Variants in SMIM20 observed in about 807,000 individuals in gnomAD.
The protein encoded by SMIM20 is mitochondrial translation regulation assembly intermediate of cytochrome c oxidase protein of 7 kDa.
Under a neutral mutation model 8.7 loss-of-function variants are expected in SMIM20, and 3 were observed. The observed-to-expected ratio is 0.34, with a 90% CI of 0.16 to 0.89. The LOEUF is 0.89. SMIM20 is among the 40% of genes least tolerant of loss of function. The pLI, the probability that SMIM20 is intolerant of heterozygous loss-of-function variation, is 0.49. For missense variants in SMIM20, 85 were observed against 84.8 expected (o/e 1.00, Z -0.01); for synonymous variants, 44 against 33.6 (o/e 1.31, Z -1.07).
intron 1 of SMIM20, among the ~76,000 whole-genome samples, chr4:25,918,012 T>G (rs1029718261): frequency 1.2e-4 from 18 of 149,914 alleles, no homozygotes; most frequent in African/African-American, 4.2e-4. Context: ...GCGTGATCTC[T>G]GCTCACTGCA....
In SMIM20 at chr4:25,928,379, A is replaced by C; in HGVS notation, c.166+10A>C. 1 of 1,539,926 alleles carries C rather than the reference A, an allele frequency of 6.5e-7. No homozygotes were observed. Among genetic ancestry groups the C allele is most frequent in the Non-Finnish European group, 8.8e-7 (1 of 1,140,010 alleles). On this transcript the variant is annotated intron_variant, in intron 2 of 2. Coordinates refer to ENST00000506197, the MANE Select transcript of SMIM20 (RefSeq NM_001145432.3). ...GATGTGCAGCCACCAGGTAAACTGA[A>C]AAAAAAAAATCAAAACCAAATCTTA... is the stretch of plus-strand genomic sequence containing the variant.
intron 1 of SMIM20, among the ~76,000 whole-genome samples, chr4:25,916,164 T>C (rs1327817146): frequency 1.3e-5 from 2 of 152,136 alleles, no homozygotes; most frequent in Non-Finnish European, 2.9e-5. Flanking sequence ...AACTATAATA[T>C]CTGCATTTTT....
At position 25,914,350 on chromosome 4, in the gene SMIM20, G is replaced by C; in HGVS notation, c.37G>C (p.Gly13Arg). The C allele has an allele frequency of 6.4e-7, 1 of 1,550,580 alleles. No individual in the cohort carries two copies. The highest frequency in any genetic ancestry group is 1.2e-5 in the South Asian group (1 of 83,936). The change falls in exon 1 of 3, where the codon GGC becomes CGC. Residue 13 changes from glycine (G) to arginine (R), a missense_variant. Gly to Arg is a moderately radical substitution (Grantham distance 125). Coordinates refer to ENST00000506197, the MANE Select transcript of SMIM20 (RefSeq NM_001145432.3). Reference protein sequence around the residue: ...RNLRTALIFGGFISLIGAAFY... With the variant: ...RNLRTALIFGRFISLIGAAFY... ...CCTGCGCACCGCGCTCATTTTCGGC[G>C]GCTTCATCTCCCTGATCGGCGCCGC...
intron 1 of SMIM20, 197 bp from the exon 2 acceptor site, chr4:25,928,116 T>C: frequency 2.4e-6 from 1 of 424,556 alleles, no homozygotes; most frequent in East Asian, 3.6e-5. Flanking sequence ...TTTATTCTTT[T>C]GAAAATACCC....
intron 1 of SMIM20, among the ~76,000 whole-genome samples, chr4:25,918,534 G>A (rs566521040): frequency 2.5e-4 from 38 of 150,632 alleles, no homozygotes; most frequent in Admixed American, 1.1e-3. Flanking sequence ...ATGGAGTTTC[G>A]CTGTTGATGC....
chr4:25,924,162 G>T lies in SMIM20; in HGVS notation c.110-4151G>T, dbSNP rs964630331. On this transcript the variant is annotated intron_variant, in intron 1 of 2. Transcript: ENST00000506197. Reference sequence around the variant, plus strand: ...GAACCTCCAGTTCTGGAATACCCCAGAGGCAGATGGTGTATGTATCTAGGT... The same window carrying T: ...GAACCTCCAGTTCTGGAATACCCCATAGGCAGATGGTGTATGTATCTAGGT... Among the ~76,000 whole-genome samples the T allele has an allele frequency of 2.6e-5, 4 of 152,312 alleles. No individual in the cohort carries two copies. In the South Asian group the frequency reaches 8.3e-4, roughly 32 times the overall value.
chr4:25,917,946 G>GTTTT (rs537806550), intron 1 of SMIM20, among the ~76,000 whole-genome samples: 2 of 127,998 alleles, frequency 1.6e-5, no homozygotes, highest in Admixed American at 8.0e-5. Flanking sequence ...TTTTTTTTTT[G>GTTTT]TTTTTTTTTT....
rs1711587900 is a variant in SMIM20 at position 25,929,250 on chromosome 4, TG to T, written c.*63del. 1 of 1,532,424 alleles carries T rather than the reference TG, an allele frequency of 6.5e-7. No homozygotes were observed. Among genetic ancestry groups the T allele is most frequent in the East Asian group, 2.4e-5 (1 of 40,832 alleles). The allele number at this position is 1,532,424 out of a possible 1,614,324, so 94.9% of individuals were successfully genotyped here. A position where few individuals can be genotyped will look rare whatever the true frequency, so the allele number is the denominator to read the frequency against. On this transcript the variant is annotated 3_prime_UTR_variant, in exon 3 of 3. Coordinates refer to ENST00000506197, the MANE Select transcript of SMIM20 (RefSeq NM_001145432.3). ...ATTTCTTCATGCTTTCGATTCTGCATGGGGTACAGCCAGTCACCTCACCAGA... is the reference window on the plus strand; with the variant it reads ...ATTTCTTCATGCTTTCGATTCTGCATGGGTACAGCCAGTCACCTCACCAGA...
At position 25,920,433 on chromosome 4, in the gene SMIM20, A is replaced by G. The variant is rs1484265686; in HGVS notation, c.109+6011A>G. On this transcript the variant is annotated intron_variant, in intron 1 of 2. Transcript: ENST00000506197. ...AATTTTAAAATAGAAAGATGTCTAT[A>G]GAATGAAGATATATAAAGAGAAAAT... 2.6e-5 allele frequency among the ~76,000 whole-genome samples: 4 copies of G among 152,358 alleles called. No homozygotes were observed. The East Asian group carries it at 7.7e-4, about 29-fold the overall frequency.
chr4:25,922,720 T>A, intron 1 of SMIM20, among the ~76,000 whole-genome samples: 1 of 152,196 alleles, frequency 6.6e-6, no homozygotes, highest in Non-Finnish European at 1.5e-5. Flanking sequence ...GCCTACTCCC[T>A]GAGAACTGGG....
chr4:25,916,990 T>C (rs776121500), intron 1 of SMIM20, among the ~76,000 whole-genome samples: 4 of 152,202 alleles, frequency 2.6e-5, no homozygotes, highest in Admixed American at 6.5e-5. Context: ...ACTTCCTATA[T>C]ATTAACCCAT....
intron 1 of SMIM20, among the ~76,000 whole-genome samples, chr4:25,919,641 C>G (rs1198634649): frequency 1.3e-5 from 2 of 152,204 alleles, no homozygotes; most frequent in Admixed American, 1.3e-4. Flanking sequence ...AGCCACTGCA[C>G]CCGGCCTTCT....
chr4:25,920,741 T>C (rs1366210211), intron 1 of SMIM20, among the ~76,000 whole-genome samples: 1 of 152,232 alleles, frequency 6.6e-6, no homozygotes, highest in African/African-American at 2.4e-5. Context: ...AAATATCCTA[T>C]TTGGGTACAC....
At position 25,929,158 on chromosome 4, in the gene SMIM20, A is replaced by G. The variant is rs1479413835; in HGVS notation, c.171A>G (p.Leu57=). ...IVQEDVQPPG[L]KVWSDPFGRK ...TGTTCCTGTTTCTTTCCATAGGGTTAAAAGTGTGGTCTGATCCATTTGGCA... is the reference window on the plus strand; with the variant it reads ...TGTTCCTGTTTCTTTCCATAGGGTTGAAAGTGTGGTCTGATCCATTTGGCA... The change falls in exon 3 of 3, where the codon TTA becomes TTG. Residue 57 remains leucine, a synonymous_variant. Coordinates refer to ENST00000506197, the MANE Select transcript of SMIM20 (RefSeq NM_001145432.3). 6.4e-7 allele frequency: 1 copy of G among 1,551,944 alleles called. No individual in the cohort carries two copies. Among genetic ancestry groups the G allele is most frequent in the South Asian group, 1.2e-5 (1 of 84,044 alleles).
intron 1 of SMIM20, among the ~76,000 whole-genome samples, chr4:25,926,917 G>A (rs893764296): frequency 6.6e-6 from 1 of 152,166 alleles, no homozygotes; most frequent in African/African-American, 2.4e-5. Context: ...TCTTCCAAGA[G>A]CATGTTCGAG....
At chr4:25,918,920 CG>C (rs1384202358) in intron 1 of SMIM20, among the ~76,000 whole-genome samples, 1 of 97,584 alleles carries the variant, frequency 1.0e-5, no homozygotes, top group Non-Finnish European at 1.9e-5. Context: ...TTTTTTGAGA[CG>C]GAGTCTCGCT....
At chr4:25,921,367 AT>A (rs984510414) in intron 1 of SMIM20, among the ~76,000 whole-genome samples, 1 of 152,168 alleles carries the variant, frequency 6.6e-6, no homozygotes, top group African/African-American at 2.4e-5. Context: ...ACCCTGTCTC[AT>A]TTAAAAAAAA....
intron 1 of SMIM20, among the ~76,000 whole-genome samples, chr4:25,919,272 G>T (rs1414578896): frequency 2.0e-5 from 3 of 151,904 alleles, no homozygotes; most frequent in Non-Finnish European, 4.4e-5. Context: ...TTAACTATTG[G>T]ATTGGATTAA....
At chr4:25,920,893 A>G (rs1479245116) in intron 1 of SMIM20, among the ~76,000 whole-genome samples, 1 of 152,244 alleles carries the variant, frequency 6.6e-6, no homozygotes, top group African/African-American at 2.4e-5. Flanking sequence ...TAGCCTAGGA[A>G]CAATAGGCTA....
Sources: gnomAD v4.1 joint callset for allele counts (sites outside exome capture counted in the v4.1 genomes callset) on GRCh38, gnomAD v4.1.1 for gene constraint, MANE v1.5 for transcripts, NCBI Gene and HGNC (gene_info 2026-07-23, HGNC 2026-07-21) for gene names.